The following PPP4R4 variants were observed in gnomAD, a reference collection of about 807,000 sequenced individuals.
PPP4R4 encodes protein phosphatase 4 regulatory subunit 4, also known as serine/threonine-protein phosphatase 4 regulatory subunit 4.
A neutral mutation model predicts 121.8 loss-of-function variants in PPP4R4; 70 were observed. That is an observed-to-expected ratio of 0.57 (90% CI 0.47 to 0.70). The LOEUF (loss-of-function observed/expected upper bound fraction) is 0.70, where lower values mean the gene tolerates loss of function less well. Ranked by LOEUF, PPP4R4 falls within the 30% of genes least tolerant of loss-of-function variation. PPP4R4 has a pLI of 0.00. For synonymous variants in PPP4R4, 348 were observed against 355.7 expected, an observed-to-expected ratio of 0.98 and a Z score of 0.24; for missense variants, 875 against 1,033.6, an observed-to-expected ratio of 0.85 and a Z score of 2.10.
chr14:94,202,282 T>G lies in PPP4R4; in HGVS notation c.192-6182T>G, dbSNP rs368492471. ...CTTATTCATATAACCAAACACCACCTGTTCCCCAAAAACCTATAGAAATAA... is the reference window on the plus strand; with the variant it reads ...CTTATTCATATAACCAAACACCACCGGTTCCCCAAAAACCTATAGAAATAA... On this transcript the variant is annotated intron_variant, in intron 2 of 24. Coordinates refer to ENST00000304338, the MANE Select transcript of PPP4R4 (RefSeq NM_058237.2). Among the ~76,000 whole-genome samples, 9 of 152,316 alleles carry G rather than the reference T, an allele frequency of 5.9e-5. No homozygotes were observed. In the East Asian group the frequency reaches 1.4e-3, roughly 23 times the overall value.
intron 3 of PPP4R4, chr14:94,227,295 G>A: frequency 6.2e-7 from 1 of 1,610,848 alleles, no homozygotes; most frequent in Non-Finnish European, 8.5e-7. Context: ...GGTCCATGAG[G>A]ATGCACACTT....
intron 3 of PPP4R4, among the ~76,000 whole-genome samples, chr14:94,223,794 C>T: frequency 1.3e-5 from 2 of 152,126 alleles, no homozygotes; most frequent in Non-Finnish European, 2.9e-5. Flanking sequence ...ATTATTCCTT[C>T]TTGATTTAAT....
At chr14:94,186,547 C>G (rs1212915690) in intron 2 of PPP4R4, among the ~76,000 whole-genome samples, 1 of 152,218 alleles carries the variant, frequency 6.6e-6, no homozygotes, top group Non-Finnish European at 1.5e-5. Context: ...CTATTACAAA[C>G]TTAGTGACTA....
At chr14:94,248,329 T>A (rs980116202) in intron 14 of PPP4R4, among the ~76,000 whole-genome samples, 22 of 152,018 alleles carry the variant, frequency 1.4e-4, no homozygotes, top group South Asian at 4.2e-4. Flanking sequence ...ACAAAAAAAA[T>A]ATCCAGTAAC....
rs532064013 is a variant in PPP4R4, at chr14:94,246,994, G to A, written c.1611+455G>A. On this transcript the variant is annotated intron_variant, in intron 14 of 24. Coordinates refer to ENST00000304338, the MANE Select transcript of PPP4R4 (RefSeq NM_058237.2). The stretch of plus-strand genomic sequence containing the variant: ...CCTTAAGCTTCCTACTATAAGTTTG[G>A]TTACTTTTAGAGTGTGGCAATGGAA... 7.2e-5 allele frequency among the ~76,000 whole-genome samples: 11 copies of A among 152,226 alleles called. No homozygotes were observed. In the South Asian group the frequency reaches 2.3e-3, roughly 32 times the overall value.
At chr14:94,261,253 T>G (rs1038871668) in intron 19 of PPP4R4, among the ~76,000 whole-genome samples, 5 of 152,200 alleles carry the variant, frequency 3.3e-5, no homozygotes, top group African/African-American at 1.2e-4. Context: ...TAAAATTGCT[T>G]TGGCCAGTCT....
intron 2 of PPP4R4, among the ~76,000 whole-genome samples, chr14:94,194,673 G>A (rs1279890981): frequency 6.6e-6 from 1 of 152,022 alleles, no homozygotes; most frequent in Non-Finnish European, 1.5e-5. Context: ...GTGCTGGTCA[G>A]GCTGGACTTG....
intron 3 of PPP4R4, among the ~76,000 whole-genome samples, chr14:94,224,351 G>C (rs1433160862): frequency 2.0e-5 from 3 of 152,184 alleles, no homozygotes; most frequent in Non-Finnish European, 4.4e-5. Flanking sequence ...ATGTAGGATG[G>C]AATGGAAGGG....
At chr14:94,197,389 T>C (rs1286245169) in intron 2 of PPP4R4, among the ~76,000 whole-genome samples, 1 of 151,356 alleles carries the variant, frequency 6.6e-6, no homozygotes, top group African/African-American at 2.4e-5. Context: ...GTAGATGTTA[T>C]GCATGGTTTA....
chr14:94,252,228 AG>A (rs1486116232), intron 16 of PPP4R4, among the ~76,000 whole-genome samples: 2 of 152,194 alleles, frequency 1.3e-5, no homozygotes, highest in Admixed American at 1.3e-4. Flanking sequence ...ACTAAAGAAA[AG>A]ACGGTCAGTA....
chr14:94,219,080 C>CTTTTTTTTTTTTTTTTTTTTTTTTCT, intron 3 of PPP4R4, among the ~76,000 whole-genome samples: 1 of 106,954 alleles, frequency 9.3e-6, no homozygotes, highest in Non-Finnish European at 1.9e-5. Context: ...CTTTTCTTTT[C>CTTTTTTTTTTTTTTTTTTTTTTTTCT]TTTTTTTTTT....
At chr14:94,242,716 A>G (rs1892697168) in intron 11 of PPP4R4, among the ~76,000 whole-genome samples, 1 of 152,124 alleles carries the variant, frequency 6.6e-6, no homozygotes, top group Non-Finnish European at 1.5e-5. Flanking sequence ...ATCAGTTTTT[A>G]TATGCTTTAT....
intron 16 of PPP4R4, among the ~76,000 whole-genome samples, chr14:94,252,646 C>T (rs902695597): frequency 3.9e-5 from 6 of 152,084 alleles, no homozygotes; most frequent in African/African-American, 1.4e-4. Context: ...ATGTTAAACC[C>T]TCAGCCATTA....
chr14:94,214,359 C>A (rs2139467618), intron 3 of PPP4R4, among the ~76,000 whole-genome samples: 2 of 152,126 alleles, frequency 1.3e-5, no homozygotes, highest in East Asian at 3.9e-4. Context: ...GGGACATAAT[C>A]AATGTGAAAT....
At chr14:94,243,092 A>G (rs1892716141) in intron 11 of PPP4R4, among the ~76,000 whole-genome samples, 1 of 152,128 alleles carries the variant, frequency 6.6e-6, no homozygotes. Context: ...CCTTCCTTGC[A>G]CTGTGTTCCT....
At chr14:94,210,669 A>G (rs1437900538) in intron 3 of PPP4R4, among the ~76,000 whole-genome samples, 1 of 152,168 alleles carries the variant, frequency 6.6e-6, no homozygotes, top group Non-Finnish European at 1.5e-5. Flanking sequence ...TATATTAGGA[A>G]GGTCTAGTGA....
Position 94,260,294 on chromosome 14 carries a change from C to T in PPP4R4, c.2127+925C>T, listed in dbSNP as rs552981842. Among the ~76,000 whole-genome samples, 459 of 151,910 alleles carry T rather than the reference C, an allele frequency of 3.0e-3. 3 individuals carry two copies. Among genetic ancestry groups the T allele is most frequent in the African/African-American group, 0.011 (443 of 41,458 alleles). The stretch of plus-strand genomic sequence containing the variant: ...ACAAAAAATTAGCTGGGCATGGTGG[C>T]GGGTTCCTGTAGTCCCAGCTACTCA... On this transcript the variant is annotated intron_variant, in intron 19 of 24. Coordinates refer to ENST00000304338, the MANE Select transcript of PPP4R4 (RefSeq NM_058237.2).
rs145991774 is a variant in PPP4R4, at chr14:94,239,493, C to T, written c.854-1180C>T. Among the ~76,000 whole-genome samples the T allele has an allele frequency of 5.0e-3, 754 of 152,006 alleles. 4 individuals carry two copies. Among genetic ancestry groups the T allele is most frequent in the Middle Eastern group, 0.017 (5 of 294 alleles). Reference sequence around the variant, plus strand: ...CAATAGTTTGCTGAGAATGATCCTTCTGCTTCTTTAGTTCCCAGTTTAAAT... The same window carrying T: ...CAATAGTTTGCTGAGAATGATCCTTTTGCTTCTTTAGTTCCCAGTTTAAAT... On this transcript the variant is annotated intron_variant, in intron 8 of 24. Coordinates refer to ENST00000304338, the MANE Select transcript of PPP4R4 (RefSeq NM_058237.2).
rs1891970428 is a variant in PPP4R4, at chr14:94,230,639, T to C, written c.347T>C (p.Phe116Ser). The change falls in exon 4 of 25, where the codon TTT becomes TCT. Residue 116 changes from phenylalanine (F) to serine (S), a missense_variant. Transcript: ENST00000304338. ...VEMQLTAAMS[F>S]LTILQDESVS... is the part of the protein sequence containing the mutation. ...ATGCAGTTAACGGCTGCGATGTCATTTCTGACCATTCTGCAGGACGAATCA... is the reference window on the plus strand; with the variant it reads ...ATGCAGTTAACGGCTGCGATGTCATCTCTGACCATTCTGCAGGACGAATCA... The C allele has an allele frequency of 1.2e-6, 2 of 1,612,828 alleles. No homozygotes were observed. The highest frequency in any genetic ancestry group is 1.7e-6 in the Non-Finnish European group (2 of 1,178,788).
Sources: allele counts gnomAD v4.1 joint callset (sites outside exome capture counted in the v4.1 genomes callset), GRCh38; gene constraint gnomAD v4.1.1; transcripts MANE v1.5; gene names NCBI Gene and HGNC (gene_info 2026-07-23, HGNC 2026-07-21).